UNC79: variants seen among roughly 807,000 people sequenced by gnomAD.
UNC79 encodes the protein protein unc-79 homolog.
UNC79 carries 37 observed loss-of-function variants against 283.1 expected under a neutral mutation model. That is an observed-to-expected ratio of 0.13 (90% CI 0.10 to 0.17). UNC79 has a LOEUF of 0.17. UNC79 is among the 10% of genes least tolerant of loss of function. UNC79 has a pLI of 1.00. For synonymous variants in UNC79, 1,107 were observed against 1,200.2 expected (o/e 0.92, Z 1.61); for missense variants, 2,272 against 3,211.1 (o/e 0.71, Z 7.07).
intron 1 of UNC79, among the ~76,000 whole-genome samples, chr14:93,418,975 C>A (rs555703613): frequency 6.6e-6 from 1 of 151,934 alleles, no homozygotes; most frequent in South Asian, 2.1e-4. Context: ...TTGCGTTTCC[C>A]GAGTGAGGCA....
chr14:93,684,763 T>C (rs555515422), intron 42 of UNC79, among the ~76,000 whole-genome samples: 35 of 152,224 alleles, frequency 2.3e-4, no homozygotes, highest in Non-Finnish European at 3.7e-4. Flanking sequence ...ATTAAACATG[T>C]GTTGCTTTTA....
In UNC79 at chr14:93,676,028, C is replaced by A. The variant is rs76606200; in HGVS notation, c.6741+2573C>A. On this transcript the variant is annotated intron_variant, in intron 41 of 48. Transcript: ENST00000555664. ...CAGCAACACTGCCTTTGAGAACAAGCAGTGTTCACACAGACTTTTTTACTT... is the reference window on the plus strand; with the variant it reads ...CAGCAACACTGCCTTTGAGAACAAGAAGTGTTCACACAGACTTTTTTACTT... 4.5e-3 allele frequency among the ~76,000 whole-genome samples: 681 copies of A among 152,258 alleles called. 9 individuals carry two copies. The highest frequency in any genetic ancestry group is 0.015 in the African/African-American group (635 of 41,558).
At chr14:93,489,483 A>T (rs1437585038) in intron 5 of UNC79, among the ~76,000 whole-genome samples, 1 of 152,254 alleles carries the variant, frequency 6.6e-6, no homozygotes, top group South Asian at 2.1e-4. Context: ...TGCCTCCAAT[A>T]TACAATGGTT....
chr14:93,690,953 T>C lies in UNC79; in HGVS notation c.7272+650T>C, dbSNP rs1226505794. The C allele has an allele frequency of 6.5e-6, 1 of 152,782 alleles. No individual in the cohort carries two copies. The highest frequency in any genetic ancestry group is 1.5e-5 in the Non-Finnish European group (1 of 68,666). The allele number at this position is 152,782 out of a possible 1,614,324, so 9.5% of individuals were successfully genotyped here. A position where few individuals can be genotyped will look rare whatever the true frequency, so the allele number is the denominator to read the frequency against. On this transcript the variant is annotated intron_variant, in intron 45 of 48. Coordinates refer to ENST00000555664, the Ensembl canonical transcript of UNC79. This position sits in a 1 kb window ranked among gnomAD's most constrained non-coding sequence, Gnocchi z 4.3. The stretch of plus-strand genomic sequence containing the variant: ...CAGAGCTTCGGCAAGTTCTGGGAGG[T>C]CACATTGGTCTTGGGGACAGCTCGG...
chr14:93,621,828 C>T lies in UNC79; in HGVS notation c.4595C>T (p.Pro1532Leu), dbSNP rs1318086244. The T allele has an allele frequency of 2.5e-6, 4 of 1,614,068 alleles. No homozygotes were observed. The highest frequency in any genetic ancestry group is 3.4e-6 in the Non-Finnish European group (4 of 1,180,004). The change falls in exon 30 of 49, where the codon CCG (proline) becomes CTG (leucine). Residue 1532 changes from proline to leucine, a missense_variant. By Grantham distance (98) the Pro-to-Leu change is moderately conservative (BLOSUM62 -3). Coordinates refer to ENST00000555664, the Ensembl canonical transcript of UNC79. This position sits in a 1 kb window ranked among gnomAD's most constrained non-coding sequence, Gnocchi z 4.8. The stretch of plus-strand genomic sequence containing the variant: ...GATCGGTGTGACATAGAGAAGCCTC[C>T]GACCCAAGCTGCGTATATCGCACAA...
intron 27 of UNC79, among the ~76,000 whole-genome samples, chr14:93,614,566 A>G (rs1260011600): frequency 1.3e-5 from 2 of 149,332 alleles, no homozygotes; most frequent in Admixed American, 6.7e-5. Context: ...TGATCCACCC[A>G]CCTTGGCCTC....
At chr14:93,387,322 T>C (rs951532321) in intron 1 of UNC79, among the ~76,000 whole-genome samples, 1 of 152,154 alleles carries the variant, frequency 6.6e-6, no homozygotes, top group African/African-American at 2.4e-5. Context: ...CTTTAAGGTG[T>C]ATCATTAGGT....
At chr14:93,603,517 C>A in intron 26 of UNC79, 99 bp downstream of exon 26, 1 of 1,376,930 alleles carries the variant, frequency 7.3e-7, no homozygotes, top group Non-Finnish European at 9.8e-7. Context: ...GCATGTTTAG[C>A]AAACTGAGTT....
At chr14:93,459,693 C>T (rs2056893357) in intron 1 of UNC79, among the ~76,000 whole-genome samples, 1 of 22,014 alleles carries the variant, frequency 4.5e-5, no homozygotes, top group Admixed American at 4.9e-4. Context: ...TTTTTTGAGA[C>T]GGAGTCTCAC....
intron 14 of UNC79, among the ~76,000 whole-genome samples, chr14:93,553,396 TAGATCTCCA>T (rs2061995726): frequency 6.6e-6 from 1 of 152,206 alleles, no homozygotes; most frequent in Non-Finnish European, 1.5e-5. Context: ...ATGGACACAT[TAGATCTCCA>T]AGAGGGTCTT....
At chr14:93,692,809 G>A (rs1296463398) in intron 46 of UNC79, among the ~76,000 whole-genome samples, 2 of 152,200 alleles carry the variant, frequency 1.3e-5, no homozygotes, top group Non-Finnish European at 2.9e-5. Flanking sequence ...GAGGATATAT[G>A]GAAGGAATTT....
chr14:93,619,118 T>A (rs2066939315), intron 29 of UNC79, among the ~76,000 whole-genome samples: 1 of 152,224 alleles, frequency 6.6e-6, no homozygotes, highest in Non-Finnish European at 1.5e-5. Flanking sequence ...TGGAGATACC[T>A]CAAAAGTATA....
intron 3 of UNC79, 48 bp from the exon 4 acceptor site, chr14:93,477,510 G>C: frequency 1.4e-6 from 2 of 1,474,202 alleles, no homozygotes; most frequent in Non-Finnish European, 1.8e-6. Context: ...AGCCTATTTT[G>C]TTAATTGCAA....
chr14:93,567,225 T>C (rs995734791), intron 14 of UNC79, among the ~76,000 whole-genome samples: 2 of 152,170 alleles, frequency 1.3e-5, no homozygotes, highest in African/African-American at 4.8e-5. Context: ...CTTTTCTTTC[T>C]TTCTGTTGTA....
chr14:93,368,593 T>A (rs1025467434), intron 1 of UNC79, among the ~76,000 whole-genome samples: 1 of 152,050 alleles, frequency 6.6e-6, no homozygotes, highest in Non-Finnish European at 1.5e-5. Context: ...GCCTCAGCCT[T>A]CTGAGTAACT....
At chr14:93,564,221 T>TG (rs1039709816) in intron 14 of UNC79, among the ~76,000 whole-genome samples, 77 of 151,374 alleles carry the variant, frequency 5.1e-4, no homozygotes, top group African/African-American at 1.8e-3. Context: ...GAAAGAGGAG[T>TG]GGGGAAAGGA....
Position 93,621,837 on chromosome 14 carries a change from C to T in UNC79, c.4604C>T (p.Ala1535Val). Residue 1535 changes from alanine to valine, a missense_variant, in exon 30 of 49, where the codon GCT becomes GTT. Ala to Val is a moderately conservative substitution (Grantham distance 64, BLOSUM62 0). Coordinates refer to ENST00000555664, the Ensembl canonical transcript of UNC79. The surrounding 1 kb of genome is among the most constrained non-coding windows in gnomAD (Gnocchi z 4.8). ...GACATAGAGAAGCCTCCGACCCAAGCTGCGTATATCGCACAAAGACCAAAC... is the reference window on the plus strand; with the variant it reads ...GACATAGAGAAGCCTCCGACCCAAGTTGCGTATATCGCACAAAGACCAAAC... The T allele has an allele frequency of 6.2e-7, 1 of 1,614,098 alleles. No homozygotes were observed. Among genetic ancestry groups the T allele is most frequent in the South Asian group, 1.1e-5 (1 of 91,060 alleles).
chr14:93,707,186 A>T (rs1407864408), downstream of UNC79: 2 of 341,874 alleles, frequency 5.9e-6, no homozygotes, highest in Non-Finnish European at 1.1e-5. Context: ...TAAGAAAAAA[A>T]AATAGACTGG....
chr14:93,617,529 G>T lies in UNC79; in HGVS notation c.4224+225G>T, dbSNP rs2139852816. On this transcript the variant is annotated intron_variant, in intron 28 of 48. Coordinates refer to ENST00000555664, the Ensembl canonical transcript of UNC79. This position sits in a 1 kb window ranked among gnomAD's most constrained non-coding sequence, Gnocchi z 4.5. ...TCTAAAAATGTTTAAAACAAAGAAT[G>T]ATAAATGGTAGGCTACTGATCAAGA... Among the ~76,000 whole-genome samples the T allele has an allele frequency of 6.6e-6, 1 of 152,288 alleles. No individual in the cohort carries two copies. The highest frequency in any genetic ancestry group is 1.9e-4 in the East Asian group (1 of 5,190).
Sources: allele counts gnomAD v4.1 joint callset (sites outside exome capture counted in the v4.1 genomes callset), GRCh38; gene constraint gnomAD v4.1.1; non-coding constraint Gnocchi (gnomAD v3.1); transcripts MANE v1.5; gene names NCBI Gene and HGNC (gene_info 2026-07-23, HGNC 2026-07-21).